The following UNC79 variants were observed in gnomAD, a reference collection of about 807,000 sequenced individuals.
UNC79 encodes the protein unc-79 subunit of NALCN channel complex.
Under a neutral mutation model 283.1 loss-of-function variants are expected in UNC79, and 37 were observed. The observed-to-expected ratio is 0.13, with a 90% CI of 0.10 to 0.17. The LOEUF (loss-of-function observed/expected upper bound fraction) is 0.17. UNC79 is among the 10% of genes least tolerant of loss of function. The pLI, the probability that UNC79 is intolerant of heterozygous loss-of-function variation, is 1.00. For missense variants in UNC79, 2,272 were observed against 3,211.1 expected, an observed-to-expected ratio of 0.71 and a Z score of 7.07; for synonymous variants, 1,107 against 1,200.2, an observed-to-expected ratio of 0.92 and a Z score of 1.61.
chr14:93,612,183 A>G (rs1566773148), intron 26 of UNC79, among the ~76,000 whole-genome samples: 1 of 152,130 alleles, frequency 6.6e-6, no homozygotes, highest in Non-Finnish European at 1.5e-5. Flanking sequence ...CCTTCCTTGT[A>G]TGTTTCTCAT....
chr14:93,401,295 T>G (rs2055103319), intron 1 of UNC79, among the ~76,000 whole-genome samples: 1 of 152,152 alleles, frequency 6.6e-6, no homozygotes, highest in Admixed American at 6.5e-5. Flanking sequence ...CTCACAGTTT[T>G]TGAGGGGTAG....
chr14:93,426,073 C>CT (rs2055719275), upstream of UNC79, among the ~76,000 whole-genome samples: 1 of 152,070 alleles, frequency 6.6e-6, no homozygotes, highest in Non-Finnish European at 1.5e-5. Flanking sequence ...TTATGAAGGA[C>CT]TTTTTTGTGT....
chr14:93,522,638 A>G (rs1234513960), intron 7 of UNC79, among the ~76,000 whole-genome samples: 1 of 152,152 alleles, frequency 6.6e-6, no homozygotes, highest in African/African-American at 2.4e-5. Context: ...TGAAGCGCCT[A>G]TACCGAAATT....
At chr14:93,423,320 C>G (rs1433758903) in intron 1 of UNC79, among the ~76,000 whole-genome samples, 1 of 152,050 alleles carries the variant, frequency 6.6e-6, no homozygotes, top group East Asian at 1.9e-4. Flanking sequence ...CAAGCCCTAT[C>G]AAAATACCAA....
At chr14:93,522,512 G>A (rs554095774) in intron 7 of UNC79, among the ~76,000 whole-genome samples, 1 of 152,202 alleles carries the variant, frequency 6.6e-6, no homozygotes, top group South Asian at 2.1e-4. Flanking sequence ...TGCAATTCAT[G>A]TACTGGTTAA....
rs2055515036 is a variant in UNC79, at chr14:93,418,505, C to T, written c.-350-49166C>T. Among the ~76,000 whole-genome samples the T allele has an allele frequency of 2.0e-5, 3 of 151,912 alleles. No homozygotes were observed. In the South Asian group the frequency reaches 6.4e-4, roughly 32 times the overall value. On this transcript the variant is annotated intron_variant, in intron 1 of 49. Coordinates refer to the UNC79 transcript ENST00000256339. The stretch of plus-strand genomic sequence containing the variant: ...CACTTGAGGAGGCAGTCTGCCCGTT[C>T]TCAGATCTCCAGCTGCATGCTGGGA...
chr14:93,548,956 T>C (rs985241668), intron 14 of UNC79, among the ~76,000 whole-genome samples: 3 of 152,240 alleles, frequency 2.0e-5, no homozygotes, highest in Admixed American at 1.3e-4. Context: ...TAGCAAATTT[T>C]GTGAATATAC....
intron 23 of UNC79, among the ~76,000 whole-genome samples, chr14:93,596,804 T>G (rs1405509795): frequency 1.3e-5 from 2 of 152,242 alleles, no homozygotes; most frequent in African/African-American, 2.4e-5. Flanking sequence ...AACATTGATT[T>G]GCAGAATAAT....
exon 41 of UNC79, chr14:93,673,378 A>G: frequency 6.2e-7 from 1 of 1,612,758 alleles, no homozygotes; most frequent in Non-Finnish European, 8.5e-7. Flanking sequence ...CTTGTCTCGT[A>G]GTGTTGTTCT....
At chr14:93,467,601 T>TGATTCTTC (rs1352149392) in intron 1 of UNC79, 70 bp from the exon 2 acceptor site, 30 of 1,273,432 alleles carry the variant, frequency 2.4e-5, no homozygotes, top group Non-Finnish European at 2.9e-5. Flanking sequence ...TATTACAAGA[T>TGATTCTTC]GATTCTTCTC....
intron 16 of UNC79, among the ~76,000 whole-genome samples, chr14:93,573,606 T>C (rs753317942): frequency 4.6e-5 from 7 of 152,224 alleles, no homozygotes; most frequent in Non-Finnish European, 7.3e-5. Context: ...TTCTGTGTCA[T>C]GCAAGGATAG....
chr14:93,419,928 CTA>C (rs2055555757), intron 1 of UNC79, among the ~76,000 whole-genome samples: 1 of 151,150 alleles, frequency 6.6e-6, no homozygotes, highest in Non-Finnish European at 1.5e-5. Flanking sequence ...TTAAAAATAA[CTA>C]AATAAAATAA....
intron 47 of UNC79, among the ~76,000 whole-genome samples, chr14:93,701,727 A>G (rs1382338061): frequency 6.6e-6 from 1 of 152,254 alleles, no homozygotes; most frequent in Non-Finnish European, 1.5e-5. Flanking sequence ...TAATGTCATC[A>G]ATAATGATGA....
intron 41 of UNC79, among the ~76,000 whole-genome samples, chr14:93,682,332 A>G (rs377532771): frequency 3.9e-5 from 6 of 152,246 alleles, no homozygotes; most frequent in African/African-American, 1.4e-4. Flanking sequence ...TGACTTCACA[A>G]TAAATCTGAC....
intron 1 of UNC79, among the ~76,000 whole-genome samples, chr14:93,418,644 G>T (rs1392644199): frequency 6.6e-6 from 1 of 151,860 alleles, no homozygotes; most frequent in African/African-American, 2.4e-5. Flanking sequence ...ACAGAGGAAG[G>T]CAGGCCTCCT....
In UNC79 at chr14:93,363,753, CTG is replaced by C. The variant is rs199740423; in HGVS notation, c.-351+30232_-351+30233del. 2.9e-3 allele frequency among the ~76,000 whole-genome samples: 434 copies of C among 151,994 alleles called. 10 individuals carry two copies. In the East Asian group the frequency reaches 0.067, roughly 23 times the overall value. ...TTTTTTTTTGAGATGGAGTCTCACT[CTG>C]TTGCCCAGGCTGGAGTGCAGTGGTG... On this transcript the variant is annotated intron_variant, in intron 1 of 49. Coordinates refer to the UNC79 transcript ENST00000256339.
intron 1 of UNC79, among the ~76,000 whole-genome samples, chr14:93,367,759 G>A (rs536978810): frequency 2.0e-5 from 3 of 152,324 alleles, no homozygotes; most frequent in African/African-American, 7.2e-5. Context: ...AGTGTTAAGG[G>A]CAGGTAGACC....
chr14:93,628,608 C>A (rs1003168551), intron 30 of UNC79, among the ~76,000 whole-genome samples: 23 of 152,178 alleles, frequency 1.5e-4, no homozygotes, highest in Non-Finnish European at 5.9e-5. Context: ...CTGATTTGTT[C>A]ACTGACTCTA....
chr14:93,613,744 A>AT (rs1303025349), intron 27 of UNC79, among the ~76,000 whole-genome samples: 3 of 151,542 alleles, frequency 2.0e-5, no homozygotes, highest in East Asian at 3.9e-4. Context: ...CACTGTGCCT[A>AT]TTTTTTTTCA....
Sources: allele counts gnomAD v4.1 joint callset (sites outside exome capture counted in the v4.1 genomes callset), GRCh38; gene constraint gnomAD v4.1.1; transcripts MANE v1.5; gene names NCBI Gene and HGNC (gene_info 2026-07-23, HGNC 2026-07-21).